RSRC1: variants seen among roughly 807,000 people sequenced by gnomAD.
RSRC1 encodes the protein arginine and serine rich coiled-coil 1.
A neutral mutation model predicts 49.1 loss-of-function variants in RSRC1; 39 were observed. The ratio of observed to expected loss-of-function variants is 0.79; its 90% confidence interval spans 0.61 to 1.04. RSRC1 has a LOEUF of 1.04. RSRC1 is among the 50% of genes least tolerant of loss of function. RSRC1 has a pLI of 0.00. For missense variants in RSRC1, 388 were observed against 402.4 expected (o/e 0.96, Z 0.31); for synonymous variants, 143 against 130.8 (o/e 1.09, Z -0.63).
intron 4 of RSRC1, among the ~76,000 whole-genome samples, chr3:158,266,901 C>G (rs1404961271): frequency 6.6e-6 from 1 of 152,044 alleles, no homozygotes; most frequent in African/African-American, 2.4e-5. Flanking sequence ...GTATCTGAGA[C>G]TACAGGAACA....
At chr3:158,457,331 A>G (rs1737382924) in intron 6 of RSRC1, among the ~76,000 whole-genome samples, 1 of 152,162 alleles carries the variant, frequency 6.6e-6, no homozygotes, top group South Asian at 2.1e-4. Flanking sequence ...TAAGGATAAG[A>G]GTTGAAGGAA....
chr3:158,322,263 C>T (rs1011535987), intron 5 of RSRC1, among the ~76,000 whole-genome samples: 1 of 152,124 alleles, frequency 6.6e-6, no homozygotes, highest in African/African-American at 2.4e-5. Context: ...CCACCCCTCC[C>T]AGCACATTAA....
At chr3:158,305,478 A>T (rs1727787896) in intron 5 of RSRC1, among the ~76,000 whole-genome samples, 1 of 152,064 alleles carries the variant, frequency 6.6e-6, no homozygotes. Context: ...TGAATATTGT[A>T]TTCTTATTTT....
At chr3:158,178,762 C>T (rs367745163) in intron 3 of RSRC1, among the ~76,000 whole-genome samples, 20 of 152,188 alleles carry the variant, frequency 1.3e-4, no homozygotes, top group Admixed American at 9.8e-4. Context: ...AAGTTGAGAA[C>T]GGCTAGCCAA....
At chr3:158,225,024 A>G (rs1376456201) in intron 4 of RSRC1, among the ~76,000 whole-genome samples, 1 of 151,890 alleles carries the variant, frequency 6.6e-6, no homozygotes, top group Admixed American at 6.6e-5. Context: ...TGAAGTACCA[A>G]TCTTGATAAT....
intron 4 of RSRC1, among the ~76,000 whole-genome samples, chr3:158,270,888 C>A (rs1052267849): frequency 6.6e-5 from 10 of 152,114 alleles, no homozygotes; most frequent in African/African-American, 1.9e-4. Context: ...CATCTTTTTA[C>A]AATTTATTTT....
intron 4 of RSRC1, among the ~76,000 whole-genome samples, chr3:158,225,966 T>C (rs1040151135): frequency 6.6e-6 from 1 of 151,872 alleles, no homozygotes; most frequent in African/African-American, 2.4e-5. Context: ...CAGCACATAG[T>C]AACTTAGGGA....
chr3:158,388,150 A>T (rs1301537573), intron 6 of RSRC1, among the ~76,000 whole-genome samples: 1 of 151,692 alleles, frequency 6.6e-6, no homozygotes, highest in Admixed American at 6.6e-5. Flanking sequence ...TTCTTTATTC[A>T]TTTGAATATA....
At chr3:158,423,543 T>C (rs1431223484) in intron 6 of RSRC1, among the ~76,000 whole-genome samples, 1 of 152,196 alleles carries the variant, frequency 6.6e-6, no homozygotes, top group Non-Finnish European at 1.5e-5. Context: ...TGGCTCAGGA[T>C]TGACTTGGCG....
intron 1 of RSRC1, among the ~76,000 whole-genome samples, chr3:158,112,525 T>C (rs1714482171): frequency 6.6e-6 from 1 of 152,206 alleles, no homozygotes. Flanking sequence ...CAAAGAAATA[T>C]GGTGACCTTT....
intron 3 of RSRC1, among the ~76,000 whole-genome samples, chr3:158,200,517 T>C (rs1028071817): frequency 6.6e-6 from 1 of 152,218 alleles, no homozygotes; most frequent in Non-Finnish European, 1.5e-5. Context: ...TAGATTTAAG[T>C]CTATCATTTT....
At chr3:158,310,384 G>A (rs1324254113) in intron 5 of RSRC1, among the ~76,000 whole-genome samples, 12 of 151,724 alleles carry the variant, frequency 7.9e-5, no homozygotes, top group Admixed American at 6.6e-4. Flanking sequence ...TGCTTTAAAT[G>A]TAATCATCAA....
chr3:158,175,844 C>T (rs148561773), intron 3 of RSRC1, among the ~76,000 whole-genome samples: 9 of 152,108 alleles, frequency 5.9e-5, no homozygotes, highest in African/African-American at 9.6e-5. Context: ...CTTGTCTTCT[C>T]GCCTTATTTC....
At chr3:158,300,615 G>C (rs913842944) in intron 5 of RSRC1, among the ~76,000 whole-genome samples, 2 of 152,066 alleles carry the variant, frequency 1.3e-5, no homozygotes, top group Non-Finnish European at 2.9e-5. Context: ...TGAATTGGCT[G>C]TATATCCAAA....
chr3:158,540,096 A>C (rs1477710119), intron 8 of RSRC1, among the ~76,000 whole-genome samples: 1 of 152,090 alleles, frequency 6.6e-6, no homozygotes, highest in African/African-American at 2.4e-5. Context: ...AATGTCTTGA[A>C]CCTCTTGGAT....
chr3:158,429,695 AC>A (rs1735668935), intron 6 of RSRC1, among the ~76,000 whole-genome samples: 1 of 151,380 alleles, frequency 6.6e-6, no homozygotes, highest in African/African-American at 2.4e-5. Flanking sequence ...ATAGTATCCA[AC>A]CTGAAAATGA....
intron 3 of RSRC1, among the ~76,000 whole-genome samples, chr3:158,193,942 C>T (rs1460391033): frequency 6.6e-6 from 1 of 151,848 alleles, no homozygotes; most frequent in East Asian, 1.9e-4. Context: ...GAGTTCAGGT[C>T]GACATACTAG....
At chr3:158,465,637 T>C (rs1737849603) in intron 7 of RSRC1, among the ~76,000 whole-genome samples, 1 of 152,230 alleles carries the variant, frequency 6.6e-6, no homozygotes, top group Admixed American at 6.5e-5. Flanking sequence ...CTACTCATTG[T>C]AATATGCAAT....
At chr3:158,381,453 G>A (rs1358063433) in intron 6 of RSRC1, among the ~76,000 whole-genome samples, 5 of 152,112 alleles carry the variant, frequency 3.3e-5, no homozygotes. Flanking sequence ...TTTTCATTGT[G>A]TTTATTGCAA....
Sources: gnomAD v4.1 joint callset for allele counts (sites outside exome capture counted in the v4.1 genomes callset) on GRCh38, gnomAD v4.1.1 for gene constraint, MANE v1.5 for transcripts, NCBI Gene and HGNC (gene_info 2026-07-23, HGNC 2026-07-21) for gene names.